NRIP3: variants seen among roughly 807,000 people sequenced by gnomAD.
NRIP3 encodes nuclear receptor-interacting protein 3.
Under a neutral mutation model 29.0 loss-of-function variants are expected in NRIP3, and 31 were observed. The observed-to-expected ratio is 1.07, with a 90% CI of 0.80 to 1.44. The LOEUF is 1.44. NRIP3 is among the 40% of genes most tolerant of loss of function. The pLI is 0.00. For synonymous variants in NRIP3, 131 were observed against 118.3 expected, an observed-to-expected ratio of 1.11 and a Z score of -0.70; for missense variants, 314 against 297.9, an observed-to-expected ratio of 1.05 and a Z score of -0.40.
At chr11:8,986,034 TA>T (rs1854517582) in intron 3 of NRIP3, among the ~76,000 whole-genome samples, 184 bp from the exon 4 acceptor site, 1 of 152,114 alleles carries the variant, frequency 6.6e-6, no homozygotes, top group Non-Finnish European at 1.5e-5. Context: ...CAGGGAGATA[TA>T]AAAACACTAA....
intron 1 of NRIP3, among the ~76,000 whole-genome samples, chr11:8,993,426 C>T (rs1161499944): frequency 6.6e-6 from 1 of 152,004 alleles, no homozygotes; most frequent in Non-Finnish European, 1.5e-5. Flanking sequence ...GCTTATTTGA[C>T]CCAAAATAGT....
At chr11:8,996,087 T>C (rs1854698421) in intron 1 of NRIP3, among the ~76,000 whole-genome samples, 1 of 152,196 alleles carries the variant, frequency 6.6e-6, no homozygotes, top group African/African-American at 2.4e-5. Context: ...CACTATTTCT[T>C]TCATAGTAAT....
chr11:9,003,915 G>A lies in NRIP3; in HGVS notation c.21C>T (p.Leu7=), dbSNP rs1307833452. The A allele has an allele frequency of 5.3e-6, 8 of 1,515,214 alleles. No individual in the cohort carries two copies. The highest frequency in any genetic ancestry group is 1.2e-5 in the South Asian group (1 of 80,494). The allele number at this position is 1,515,214 out of a possible 1,614,324, so 93.9% of individuals were successfully genotyped here. Reference sequence around the variant, plus strand: ...CGGTCTCCTTGCGGCCGCCCTCAGTGAGGAGCCCTGAGTAAAACATCGCTG... The same window carrying A: ...CGGTCTCCTTGCGGCCGCCCTCAGTAAGGAGCCCTGAGTAAAACATCGCTG... The part of the protein sequence containing the change: MFYSGL[L]TEGGRKETDM... The change falls in exon 1 of 7, where the codon CTC becomes CTT. Residue 7 remains leucine (L), a synonymous_variant. Coordinates refer to ENST00000309166, the MANE Select transcript of NRIP3 (RefSeq NM_020645.3).
rs1854444897 is a variant in NRIP3 at position 8,982,909 on chromosome 11, G to A, written c.*636C>T. 4 of 454,528 alleles carry A rather than the reference G, an allele frequency of 8.8e-6. No homozygotes were observed. The highest frequency in any genetic ancestry group is 6.2e-5 in the South Asian group (4 of 64,074). The allele number at this position is 454,528 out of a possible 1,614,324, so 28.2% of individuals were successfully genotyped here. A position where few individuals can be genotyped will look rare whatever the true frequency, so the allele number is the denominator to read the frequency against. On this transcript the variant is annotated 3_prime_UTR_variant, in exon 7 of 7. Coordinates refer to ENST00000309166, the MANE Select transcript of NRIP3 (RefSeq NM_020645.3). The stretch of plus-strand genomic sequence containing the variant: ...TGAATACAAATGAGGCAGCATGGGA[G>A]TCTTGGCTTGGAAATCAGGTCTGCG...
Position 9,003,644 on chromosome 11 carries a change from G to C in NRIP3, c.174+118C>G, listed in dbSNP as rs866953197. ...GAGGAATCCGCGACGCAGCGACCGC[G>C]AGCCAAGGGCAGCGGCGGGCCGGGC... On this transcript the variant is annotated intron_variant, in intron 1 of 6. Coordinates refer to ENST00000309166, the MANE Select transcript of NRIP3 (RefSeq NM_020645.3). The C allele has an allele frequency of 5.7e-6, 6 of 1,046,660 alleles. No homozygotes were observed. The African/African-American group carries it at 8.4e-5, about 15-fold the overall frequency. 64.8% of individuals were successfully genotyped at this position (1,046,660 alleles called of 1,614,324 possible). A position where few individuals can be genotyped will look rare whatever the true frequency, so the allele number is the denominator to read the frequency against.
chr11:8,991,350 C>CTT (rs1230883887), intron 1 of NRIP3, among the ~76,000 whole-genome samples: 2 of 152,276 alleles, frequency 1.3e-5, no homozygotes, highest in East Asian at 3.9e-4. Context: ...TTTTCATTCT[C>CTT]TTTGATAATT....
chr11:8,983,752 T>G (rs959261759), intron 6 of NRIP3, 123 bp downstream of exon 6: 1 of 944,212 alleles, frequency 1.1e-6, no homozygotes, highest in African/African-American at 1.6e-5. Flanking sequence ...AAGGGTGGAT[T>G]TGTAGTATAA....
rs958877401 is a variant in NRIP3, at chr11:8,982,813, T to G, written c.*732A>C. 5.6e-6 allele frequency: 2 copies of G among 355,322 alleles called. No individual in the cohort carries two copies. Among genetic ancestry groups the G allele is most frequent in the African/African-American group, 4.4e-5 (2 of 45,540 alleles). The allele number at this position is 355,322 out of a possible 1,614,324, so 22.0% of individuals were successfully genotyped here. On this transcript the variant is annotated 3_prime_UTR_variant, in exon 7 of 7. Coordinates refer to ENST00000309166, the MANE Select transcript of NRIP3 (RefSeq NM_020645.3). ...CCTAGCATCCATCTCCAGAGAATAT[T>G]CCTCCCATGCTCTGCCTTTTTTTTT... is the stretch of plus-strand genomic sequence containing the variant.
chr11:8,986,918 T>C (rs1263223336), intron 3 of NRIP3, among the ~76,000 whole-genome samples: 1 of 152,200 alleles, frequency 6.6e-6, no homozygotes, highest in Non-Finnish European at 1.5e-5. Flanking sequence ...CTCGGGAGGC[T>C]GAGGCAGGAG....
At chr11:8,998,426 A>C (rs745952794) in intron 1 of NRIP3, among the ~76,000 whole-genome samples, 99 of 152,214 alleles carry the variant, frequency 6.5e-4, no homozygotes, top group Non-Finnish European at 1.1e-3. Context: ...GCATTTTGTT[A>C]GAAAGGATTC....
intron 1 of NRIP3, among the ~76,000 whole-genome samples, chr11:8,997,311 C>A (rs1007984903): frequency 7.2e-6 from 1 of 139,238 alleles, no homozygotes; most frequent in Non-Finnish European, 1.5e-5. Context: ...GGAGGCGGAT[C>A]GCACCACTGC....
At chr11:9,003,399 A>G (rs1344909200) in intron 1 of NRIP3, among the ~76,000 whole-genome samples, 1 of 152,212 alleles carries the variant, frequency 6.6e-6, no homozygotes, top group East Asian at 1.9e-4. Context: ...TCTGGGTCAT[A>G]GGAACAGCCA....
At chr11:8,998,600 A>G (rs1203986054) in intron 1 of NRIP3, among the ~76,000 whole-genome samples, 2 of 152,134 alleles carry the variant, frequency 1.3e-5, no homozygotes, top group East Asian at 1.9e-4. Flanking sequence ...CATCCTTATC[A>G]TCACATCAGG....
rs773475132 is a variant in NRIP3 at position 8,983,502 on chromosome 11, G to A, written c.*43C>T. 13 of 1,600,206 alleles carry A rather than the reference G, an allele frequency of 8.1e-6. No individual in the cohort carries two copies. The highest frequency in any genetic ancestry group is 4.5e-5 in the East Asian group (2 of 44,818). On this transcript the variant is annotated 3_prime_UTR_variant, in exon 7 of 7. Coordinates refer to ENST00000309166, the MANE Select transcript of NRIP3 (RefSeq NM_020645.3). ...CCCAGTTTTCTCTATCTGTCAACCC[G>A]GTGTGTATGCATGCACACGTGCAGA...
In NRIP3 at chr11:9,003,993, T is replaced by G. The variant is rs1854866672; in HGVS notation, c.-58A>C. On this transcript the variant is annotated 5_prime_UTR_variant, in exon 1 of 7. Coordinates refer to ENST00000309166, the MANE Select transcript of NRIP3 (RefSeq NM_020645.3). The stretch of plus-strand genomic sequence containing the variant: ...CCCCCCGGCAGCCTCAGCCTCGAGC[T>G]CCTCCAGCGCCGCAAGGGCCCCGAG... 1 of 1,403,776 alleles carries G rather than the reference T, an allele frequency of 7.1e-7. No homozygotes were observed. Among genetic ancestry groups the G allele is most frequent in the Admixed American group, 3.3e-5 (1 of 29,900 alleles). The allele number at this position is 1,403,776 out of a possible 1,614,324, so 87.0% of individuals were successfully genotyped here.
intron 1 of NRIP3, among the ~76,000 whole-genome samples, chr11:8,992,093 G>A (rs1457369376): frequency 6.6e-6 from 1 of 152,176 alleles, no homozygotes; most frequent in East Asian, 1.9e-4. Context: ...TGTTTGAGCT[G>A]TTATATATTT....
chr11:9,000,710 A>T (rs1854778586), intron 1 of NRIP3, among the ~76,000 whole-genome samples: 1 of 152,180 alleles, frequency 6.6e-6, no homozygotes, highest in Non-Finnish European at 1.5e-5. Context: ...AGCTAAAACA[A>T]GATAAATTAC....
chr11:8,983,221 C>T lies in NRIP3; in HGVS notation c.*324G>A, dbSNP rs1854450066. The T allele has an allele frequency of 2.2e-6, 1 of 460,008 alleles. No individual in the cohort carries two copies. Among genetic ancestry groups the T allele is most frequent in the Admixed American group, 3.7e-5 (1 of 26,708 alleles). The allele number at this position is 460,008 out of a possible 1,614,324, so 28.5% of individuals were successfully genotyped here. On this transcript the variant is annotated 3_prime_UTR_variant, in exon 7 of 7. Transcript: ENST00000309166. ...ACATATATCTATGGAGACACAGAAC[C>T]TGGCAGCCCCTATACTTGACTAATA...
chr11:8,984,527 T>C (rs1400191373), intron 4 of NRIP3, among the ~76,000 whole-genome samples: 2 of 152,054 alleles, frequency 1.3e-5, no homozygotes, highest in South Asian at 2.1e-4. Flanking sequence ...CCTCCCAAAG[T>C]GTTGGGATTA....
Sources: gnomAD v4.1 joint callset for allele counts (sites outside exome capture counted in the v4.1 genomes callset) on GRCh38, gnomAD v4.1.1 for gene constraint, MANE v1.5 for transcripts, NCBI Gene and HGNC (gene_info 2026-07-23, HGNC 2026-07-21) for gene names.